DIAPH1: variants seen among roughly 807,000 people sequenced by gnomAD.
DIAPH1 encodes diaphanous related formin 1.
A neutral mutation model predicts 140.7 loss-of-function variants in DIAPH1; 46 were observed. The ratio of observed to expected loss-of-function variants is 0.33; its 90% CI spans 0.26 to 0.42. DIAPH1 has a LOEUF of 0.42. Ranked by LOEUF, DIAPH1 falls within the 10% of genes least tolerant of loss-of-function variation. DIAPH1 has a pLI of 1.00. For synonymous variants in DIAPH1, 565 were observed against 551.6 expected (o/e 1.02, Z -0.34); for missense variants, 1,310 against 1,558.7 (o/e 0.84, Z 2.69).
At chr5:141,567,179 T>C (rs1490760036) in intron 18 of DIAPH1, among the ~76,000 whole-genome samples, 2 of 151,996 alleles carry the variant, frequency 1.3e-5, no homozygotes, top group Non-Finnish European at 2.9e-5. Context: ...TAAACCAAGA[T>C]AAATGGCATA....
intron 1 of DIAPH1, among the ~76,000 whole-genome samples, chr5:141,595,924 C>T (rs942365255): frequency 6.6e-6 from 1 of 152,232 alleles, no homozygotes; most frequent in Admixed American, 6.5e-5. Context: ...TGGCTCACAT[C>T]TGTAATCCCG....
chr5:141,584,055 G>T, intron 4 of DIAPH1, 69 bp downstream of exon 4: 1 of 914,314 alleles, frequency 1.1e-6, no homozygotes, highest in African/African-American at 1.7e-5. Context: ...CATAAAATTG[G>T]CAAAAAAAAA....
At chr5:141,523,618 C>A (rs2099886878) in intron 27 of DIAPH1, among the ~76,000 whole-genome samples, 1 of 151,978 alleles carries the variant, frequency 6.6e-6, no homozygotes, top group African/African-American at 2.4e-5. Flanking sequence ...AGTTTTCAGA[C>A]ACGGCATAAT....
At chr5:141,542,171 T>C (rs560850878) in intron 18 of DIAPH1, among the ~76,000 whole-genome samples, 1 of 152,330 alleles carries the variant, frequency 6.6e-6, no homozygotes, top group Non-Finnish European at 1.5e-5. Context: ...CAGTGGCTCA[T>C]GCCTGTAATC....
chr5:141,523,098 C>T (rs779752308), intron 27 of DIAPH1, among the ~76,000 whole-genome samples: 11 of 152,206 alleles, frequency 7.2e-5, no homozygotes, highest in Non-Finnish European at 1.5e-4. Context: ...ACAGATACCA[C>T]TGTATTAATA....
At chr5:141,618,586 G>C in intron 1 of DIAPH1, 1 of 468,876 alleles carries the variant, frequency 2.1e-6, no homozygotes. Context: ...GAAGCCCCGA[G>C]GTGGCCGGGG....
intron 18 of DIAPH1, among the ~76,000 whole-genome samples, chr5:141,556,798 TCTC>T (rs1363744561): frequency 3.9e-5 from 6 of 152,158 alleles, no homozygotes; most frequent in African/African-American, 1.4e-4. Flanking sequence ...TTCAAGCAAT[TCTC>T]CTGCCTCAGC....
intron 27 of DIAPH1, among the ~76,000 whole-genome samples, chr5:141,518,064 T>A (rs2099885960): frequency 6.6e-6 from 1 of 152,090 alleles, no homozygotes; most frequent in African/African-American, 2.4e-5. Context: ...ATGTTATGGG[T>A]CAGCTTCTGC....
chr5:141,601,772 TTACTC>T (rs1447322371), intron 1 of DIAPH1, among the ~76,000 whole-genome samples: 3 of 152,240 alleles, frequency 2.0e-5, no homozygotes, highest in Non-Finnish European at 4.4e-5. Context: ...TATTCTTTCA[TTACTC>T]TATTCAAATT....
chr5:141,617,781 G>A lies in DIAPH1; in HGVS notation c.117+1017C>T, dbSNP rs78127338. ...AACGGCTCCCTGGAGAGAGGCGTTG[G>A]TGTGGGCAAAAGGTAATGAAATATG... On this transcript the variant is annotated intron_variant, in intron 1 of 27. Coordinates refer to ENST00000389054, the MANE Select transcript of DIAPH1 (RefSeq NM_005219.5). Among the ~76,000 whole-genome samples, 842 of 152,184 alleles carry A rather than the reference G, an allele frequency of 5.5e-3. 6 individuals carry two copies. The highest frequency in any genetic ancestry group is 0.019 in the African/African-American group (787 of 41,516).
At chr5:141,578,745 A>G (rs1322913425) in intron 9 of DIAPH1, 120 bp from the exon 10 acceptor site, 3 of 798,988 alleles carry the variant, frequency 3.8e-6, no homozygotes, top group Non-Finnish European at 6.3e-6. Context: ...CAAAAACTCT[A>G]AAGATGACTT....
chr5:141,536,817 T>C (rs1028775781), intron 18 of DIAPH1, among the ~76,000 whole-genome samples: 4 of 151,868 alleles, frequency 2.6e-5, no homozygotes, highest in African/African-American at 9.7e-5. Flanking sequence ...AGGCTAAAAG[T>C]AGATGCAATG....
chr5:141,585,117 C>T (rs1470498239), intron 3 of DIAPH1, among the ~76,000 whole-genome samples: 2 of 152,054 alleles, frequency 1.3e-5, no homozygotes, highest in African/African-American at 4.8e-5. Context: ...CCACCACACT[C>T]AGCTAATTTT....
chr5:141,573,996 TGGAGGAGGAGGA>T lies in DIAPH1; in HGVS notation c.1842_1853del (p.Pro617_Pro620del), dbSNP rs3075570. 4.7e-4 allele frequency: 711 copies of T among 1,511,804 alleles called. No homozygotes were observed. Among genetic ancestry groups the T allele is most frequent in the East Asian group, 8.3e-4 (33 of 39,714 alleles). The allele number at this position is 1,511,804 out of a possible 1,614,324, so 93.6% of individuals were successfully genotyped here. A position where few individuals can be genotyped will look rare whatever the true frequency, so the allele number is the denominator to read the frequency against. ...TGCAAACACCCCCAGGCAAAGGAGGTGGAGGAGGAGGAGGAGGAGGAGGAGGAGGAGGAGTGG... is the reference window on the plus strand; with the variant it reads ...TGCAAACACCCCCAGGCAAAGGAGGTGGAGGAGGAGGAGGAGGAGGAGTGG... On this transcript the variant is annotated inframe_deletion, in exon 16 of 28. Coordinates refer to ENST00000389054, the MANE Select transcript of DIAPH1 (RefSeq NM_005219.5).
intron 18 of DIAPH1, among the ~76,000 whole-genome samples, chr5:141,539,075 G>A (rs2099889540): frequency 6.6e-6 from 1 of 151,734 alleles, no homozygotes; most frequent in Non-Finnish European, 1.5e-5. Context: ...AGGAATTCGA[G>A]ACCAGCTTGA....
chr5:141,528,789 T>C lies in DIAPH1; in HGVS notation c.2931A>G (p.Leu977=), dbSNP rs2154595002. The C allele has an allele frequency of 1.2e-6, 2 of 1,613,074 alleles. No individual in the cohort carries two copies. Among genetic ancestry groups the C allele is most frequent in the African/African-American group, 1.3e-5 (1 of 75,046 alleles). ...LRKSESFSNL[L]EITLLVGNYM... ...AATTTCCAACAAGCAAGGTAATCTC[T>C]AGGAGATTGGAAAAGCTCTCACTCT... is the stretch of plus-strand genomic sequence containing the variant. The change falls in exon 22 of 28, where the codon CTA becomes CTG. Residue 977 remains leucine, a synonymous_variant. Coordinates refer to ENST00000389054, the MANE Select transcript of DIAPH1 (RefSeq NM_005219.5).
At chr5:141,560,584 T>G (rs1242562539) in intron 18 of DIAPH1, 1 of 168,030 alleles carries the variant, frequency 6.0e-6, no homozygotes, top group East Asian at 1.7e-4. Flanking sequence ...TGACATTAAA[T>G]AGGTATTCAT....
chr5:141,573,568 G>A lies in DIAPH1; in HGVS notation c.2282C>T (p.Pro761Leu), dbSNP rs1382690018. The stretch of plus-strand genomic sequence containing the variant: ...GGGGGTTAATCCAAATGGCAGAACT[G>A]GGGCTGCAGGAACTCCAAATCCAAA... ...PPFGFGVPAA[P>L]VLPFGLTPKK... The change falls in exon 16 of 28, where the codon CCA (proline) becomes CTA (leucine). Residue 761 changes from proline to leucine, a missense_variant. By Grantham distance (98) the Pro-to-Leu change is moderately conservative. Around this residue, in one of 3 missense-constraint regions of DIAPH1, gnomAD observed 589 missense variants for 549.3 expected, o/e 1.07. Transcript: ENST00000389054. The A allele has an allele frequency of 1.2e-6, 2 of 1,614,112 alleles. No individual in the cohort carries two copies. Among genetic ancestry groups the A allele is most frequent in the South Asian group, 1.1e-5 (1 of 91,078 alleles).
At chr5:141,544,385 T>C (rs536485980) in intron 18 of DIAPH1, among the ~76,000 whole-genome samples, 1 of 152,110 alleles carries the variant, frequency 6.6e-6, no homozygotes, top group Admixed American at 6.5e-5. Context: ...GCAGACTTCA[T>C]CAAAATTAAA....
Sources: allele counts gnomAD v4.1 joint callset (sites outside exome capture counted in the v4.1 genomes callset), GRCh38; gene constraint gnomAD v4.1.1; regional missense constraint gnomAD v4.1.1; transcripts MANE v1.5; gene names NCBI Gene and HGNC (gene_info 2026-07-23, HGNC 2026-07-21).